GFRA1: variants seen among roughly 807,000 people sequenced by gnomAD.
GFRA1 encodes the protein GDNF family receptor alpha-1.
Under a neutral mutation model 51.6 loss-of-function variants are expected in GFRA1, and 16 were observed. The ratio of observed to expected loss-of-function variants is 0.31; its 90% CI spans 0.21 to 0.47. GFRA1 has a LOEUF of 0.47. Ranked by LOEUF, GFRA1 falls within the 20% of genes least tolerant of loss-of-function variation. GFRA1 has a pLI of 1.00. For missense variants in GFRA1, 530 were observed against 594.3 expected (o/e 0.89, Z 1.13); for synonymous variants, 270 against 241.3 (o/e 1.12, Z -1.10).
At chr10:116,245,904 T>C (rs1967827443) in intron 4 of GFRA1, among the ~76,000 whole-genome samples, 1 of 152,116 alleles carries the variant, frequency 6.6e-6, no homozygotes, top group South Asian at 2.1e-4. Flanking sequence ...AAAAGACCAG[T>C]GGCTGCCAGA....
At chr10:116,128,352 C>T (rs183995724) in intron 5 of GFRA1, among the ~76,000 whole-genome samples, 12 of 152,134 alleles carry the variant, frequency 7.9e-5, no homozygotes, top group Admixed American at 3.9e-4. Flanking sequence ...ATAAAAATAA[C>T]GAAAGTCAAC....
intron 5 of GFRA1, among the ~76,000 whole-genome samples, chr10:116,126,245 A>G (rs1327703696): frequency 6.6e-6 from 1 of 152,286 alleles, no homozygotes; most frequent in Admixed American, 6.5e-5. Context: ...GTTCTAGATT[A>G]GAAAAATTCA....
intron 4 of GFRA1, among the ~76,000 whole-genome samples, chr10:116,215,617 G>C (rs1965507370): frequency 6.6e-6 from 1 of 152,170 alleles, no homozygotes; most frequent in South Asian, 2.1e-4. Context: ...GGTTGCTGTG[G>C]GGAATTACTC....
chr10:116,220,807 CG>C (rs1965870916), intron 4 of GFRA1, among the ~76,000 whole-genome samples: 1 of 152,118 alleles, frequency 6.6e-6, no homozygotes, highest in African/African-American at 2.4e-5. Context: ...TTCAAAGGAG[CG>C]ATTGACAAGA....
At chr10:116,107,168 T>G (rs1202324359) in intron 6 of GFRA1, among the ~76,000 whole-genome samples, 1 of 152,174 alleles carries the variant, frequency 6.6e-6, no homozygotes, top group Non-Finnish European at 1.5e-5. Flanking sequence ...TGAATGATAA[T>G]AAGTCCCTCA....
At chr10:116,106,275 T>A (rs1057224564) in intron 6 of GFRA1, among the ~76,000 whole-genome samples, 1 of 152,208 alleles carries the variant, frequency 6.6e-6, no homozygotes, top group South Asian at 2.1e-4. Context: ...AAGTTTGTGG[T>A]AATTTGTTAA....
At chr10:116,066,692 C>T (rs886979) in intron 9 of GFRA1, among the ~76,000 whole-genome samples, 1 of 152,206 alleles carries the variant, frequency 6.6e-6, no homozygotes, top group Non-Finnish European at 1.5e-5. Flanking sequence ...TGAAAATGTG[C>T]TACCTCCTGC....
intron 9 of GFRA1, among the ~76,000 whole-genome samples, chr10:116,087,620 C>A (rs534898989): frequency 1.3e-5 from 2 of 152,314 alleles, no homozygotes; most frequent in South Asian, 4.1e-4. Flanking sequence ...CTTGCCTTTT[C>A]TTTCCAGAAA....
At chr10:116,109,900 CT>C (rs946684613) in intron 6 of GFRA1, among the ~76,000 whole-genome samples, 240 of 152,264 alleles carry the variant, frequency 1.6e-3, no homozygotes, top group African/African-American at 5.2e-3. Context: ...CAGTCTCCCC[CT>C]GTATAAAACA....
At chr10:116,145,510 T>C (rs1455806125) in intron 5 of GFRA1, among the ~76,000 whole-genome samples, 2 of 152,226 alleles carry the variant, frequency 1.3e-5, no homozygotes, top group Non-Finnish European at 1.5e-5. Context: ...ATCATTACAC[T>C]ATTTTCACTG....
intron 4 of GFRA1, among the ~76,000 whole-genome samples, chr10:116,254,889 G>C (rs1261930358): frequency 6.6e-6 from 1 of 152,184 alleles, no homozygotes; most frequent in Non-Finnish European, 1.5e-5. Flanking sequence ...GTCGTTTCCA[G>C]GCAATGCCCT....
chr10:116,176,995 CAG>C (rs1322219994), intron 5 of GFRA1, among the ~76,000 whole-genome samples: 1 of 152,110 alleles, frequency 6.6e-6, no homozygotes, highest in Non-Finnish European at 1.5e-5. Context: ...ACAAGGGAGA[CAG>C]AGATCAATGG....
chr10:116,166,780 C>CTTCTTT lies in GFRA1; in HGVS notation c.434-41224_434-41223insAAAGAA, dbSNP rs1267031089. Reference sequence around the variant, plus strand: ...TCCCTTGAAGGATAGCAACAATCTTCTTTTTTTTTTTTTTTTTTTTTTTTT... The same window carrying CTTCTTT: ...TCCCTTGAAGGATAGCAACAATCTTCTTCTTTTTTTTTTTTTTTTTTTTTTTTTTTT... On this transcript the variant is annotated intron_variant, in intron 5 of 10. Transcript: ENST00000355422. Among the ~76,000 whole-genome samples the CTTCTTT allele has an allele frequency of 6.8e-4, 52 of 76,462 alleles. 2 individuals are homozygous for CTTCTTT. The highest frequency in any genetic ancestry group is 2.9e-3 in the African/African-American group (50 of 17,038). The allele number at this position is 76,462 out of a possible 152,430, so 50.2% of individuals were successfully genotyped here.
intron 5 of GFRA1, among the ~76,000 whole-genome samples, chr10:116,203,242 A>C (rs1248446948): frequency 6.6e-6 from 1 of 152,188 alleles, no homozygotes; most frequent in Admixed American, 6.5e-5. Flanking sequence ...GCTGCTAACA[A>C]AAAATTTGTA....
intron 7 of GFRA1, among the ~76,000 whole-genome samples, chr10:116,096,088 A>G (rs1160116727): frequency 6.6e-6 from 1 of 152,126 alleles, no homozygotes; most frequent in Non-Finnish European, 1.5e-5. Context: ...AAAGACAGAA[A>G]ATACGGTTAC....
chr10:116,150,607 T>A lies in GFRA1; in HGVS notation c.434-25050A>T, dbSNP rs578004431. Among the ~76,000 whole-genome samples the A allele has an allele frequency of 3.3e-5, 5 of 152,364 alleles. No individual in the cohort carries two copies. In the East Asian group the frequency reaches 9.6e-4, roughly 29 times the overall value. ...ACCCTGAGATAACTTTGCCATGAAA[T>A]ATCTTGCTTTTATTATTATTTTTGC... On this transcript the variant is annotated intron_variant, in intron 5 of 10. Transcript: ENST00000355422.
At chr10:116,235,578 C>T (rs1966858120) in intron 4 of GFRA1, among the ~76,000 whole-genome samples, 1 of 152,114 alleles carries the variant, frequency 6.6e-6, no homozygotes, top group South Asian at 2.1e-4. Context: ...GGGTGGTCCA[C>T]CATAATTCAG....
At chr10:116,226,636 G>A (rs895331664) in intron 4 of GFRA1, 8 of 199,640 alleles carry the variant, frequency 4.0e-5, no homozygotes, top group Non-Finnish European at 8.8e-5. Context: ...GTATGTGAGT[G>A]GGGGGATGGT....
intron 5 of GFRA1, among the ~76,000 whole-genome samples, chr10:116,192,087 G>A (rs1420487843): frequency 6.6e-6 from 1 of 152,246 alleles, no homozygotes; most frequent in East Asian, 1.9e-4. Context: ...TAGTCCAAAT[G>A]AATCATTTCT....
Sources: allele counts gnomAD v4.1 joint callset (sites outside exome capture counted in the v4.1 genomes callset), GRCh38; gene constraint gnomAD v4.1.1; transcripts MANE v1.5; gene names NCBI Gene and HGNC (gene_info 2026-07-23, HGNC 2026-07-21).